Variants in ASXL3 observed in about 807,000 individuals in gnomAD.
ASXL3 encodes the protein ASXL transcriptional regulator 3.
ASXL3 carries 34 observed loss-of-function variants against 170.6 expected under a neutral mutation model. That is an observed-to-expected ratio of 0.20 (90% confidence interval 0.15 to 0.27). ASXL3 has a LOEUF of 0.27. Ranked by LOEUF, ASXL3 falls within the 10% of genes least tolerant of loss-of-function variation. The probability of loss-of-function intolerance (pLI) is 1.00; values close to 1 mark genes in which losing one functional copy is unlikely to be tolerated. For synonymous variants in ASXL3, 1,002 were observed against 989.1 expected, an observed-to-expected ratio of 1.01 and a Z score of -0.24; for missense variants, 2,592 against 2,695.3, an observed-to-expected ratio of 0.96 and a Z score of 0.85.
chr18:33,578,494 G>GCCGCCA lies in ASXL3; in HGVS notation c.-132_-127dup, dbSNP rs1249097476. The GCCGCCA allele has an allele frequency of 9.2e-5, 27 of 293,544 alleles. No individual in the cohort carries two copies. Among genetic ancestry groups the GCCGCCA allele is most frequent in the South Asian group, 3.9e-4 (3 of 7,742 alleles). 18.2% of individuals were successfully genotyped at this position (293,544 alleles called of 1,614,324 possible). A position where few individuals can be genotyped will look rare whatever the true frequency, so the allele number is the denominator to read the frequency against. Reference sequence around the variant, plus strand: ...CGCCGCCGCCGCCGCCGCCGCCGCCGCCGCCACCGCCCGCGCGCCTCCCCC... The same window carrying GCCGCCA: ...CGCCGCCGCCGCCGCCGCCGCCGCCGCCGCCACCGCCACCGCCCGCGCGCCTCCCCC... On this transcript the variant is annotated 5_prime_UTR_variant, in exon 1 of 12. Coordinates refer to ENST00000269197, the MANE Select transcript of ASXL3 (RefSeq NM_030632.3).
At position 33,671,727 on chromosome 18, in the gene ASXL3, A is replaced by G. The variant is rs1254602730; in HGVS notation, c.596-20A>G. ...GACAGCTAGAGAAGATAATGACATA[A>G]TAACTATTTCCTTTTTTAGGATCTG... On this transcript the variant is annotated intron_variant, in intron 6 of 11. Coordinates refer to ENST00000269197, the MANE Select transcript of ASXL3 (RefSeq NM_030632.3). 6.3e-7 allele frequency: 1 copy of G among 1,581,430 alleles called. No individual in the cohort carries two copies. Among genetic ancestry groups the G allele is most frequent in the Non-Finnish European group, 8.6e-7 (1 of 1,162,258 alleles).
intron 5 of ASXL3, among the ~76,000 whole-genome samples, chr18:33,665,057 TC>T: frequency 6.6e-6 from 1 of 152,194 alleles, no homozygotes; most frequent in East Asian, 1.9e-4. Flanking sequence ...TTAGTTATGA[TC>T]CTAAAAAGTG....
At position 33,745,698 on chromosome 18, in the gene ASXL3, C is replaced by T; in HGVS notation, c.5850C>T (p.Ala1950=). The T allele has an allele frequency of 6.2e-7, 1 of 1,613,986 alleles. No homozygotes were observed. The highest frequency in any genetic ancestry group is 8.5e-7 in the Non-Finnish European group (1 of 1,179,890). ...TTCCTACTGCAGCTCTGTTACAGGCCTCTTCCAAGACCCCAGTGGGGTGTA... is the reference window on the plus strand; with the variant it reads ...TTCCTACTGCAGCTCTGTTACAGGCTTCTTCCAAGACCCCAGTGGGGTGTA... ...GPIPTAALLQ[A]SSKTPVGCNA... The change falls in exon 12 of 12, where the codon GCC becomes GCT. Residue 1950 remains alanine, a synonymous_variant. Transcript: ENST00000269197.
intron 1 of ASXL3, chr18:33,605,695 A>G (rs988570817): frequency 2.6e-5 from 4 of 152,112 alleles, no homozygotes; most frequent in East Asian, 1.9e-4. Flanking sequence ...CCAAATTTCC[A>G]TTTAAACATT....
chr18:33,723,774 AG>A, intron 8 of ASXL3, among the ~76,000 whole-genome samples: 1 of 152,140 alleles, frequency 6.6e-6, no homozygotes, highest in African/African-American at 2.4e-5. Flanking sequence ...TTTTTGGGAA[AG>A]GAAGAGTCAA....
intron 7 of ASXL3, among the ~76,000 whole-genome samples, chr18:33,672,142 G>T (rs2066353036): frequency 6.6e-6 from 1 of 152,068 alleles, no homozygotes; most frequent in Non-Finnish European, 1.5e-5. Context: ...TTATCTGCCG[G>T]GTCATGATAC....
intron 2 of ASXL3, among the ~76,000 whole-genome samples, chr18:33,612,184 C>CATATAT (rs112285121): frequency 0.079 from 11,828 of 149,918 alleles, 539 homozygotes; most frequent in African/African-American, 0.12. Flanking sequence ...TAAAATTAAA[C>CATATAT]ATATATATAT....
intron 2 of ASXL3, among the ~76,000 whole-genome samples, chr18:33,622,731 A>G (rs2065534269): frequency 6.6e-6 from 1 of 152,160 alleles, no homozygotes; most frequent in African/African-American, 2.4e-5. Flanking sequence ...AGGGGCATGC[A>G]TAGTCCCTTT....
rs765513131 is a variant in ASXL3 at position 33,739,439 on chromosome 18, G to C, written c.2035G>C (p.Glu679Gln). 6 of 1,613,938 alleles carry C rather than the reference G, an allele frequency of 3.7e-6. No individual in the cohort carries two copies. The East Asian group carries it at 8.9e-5, about 24-fold the overall frequency. ...DENFHASLMS[E>Q]ISPISTSPEI... ...AAACTTTCATGCATCTTTGATGTCA[G>C]AAATATCTCCAATATCCACTTCACC... is the stretch of plus-strand genomic sequence containing the variant. Residue 679 changes from glutamate (E) to glutamine (Q), a missense_variant, in exon 11 of 12, where the codon GAA becomes CAA. Glu to Gln is a conservative substitution (Grantham distance 29, BLOSUM62 2). Around this residue, in one of 4 missense-constraint regions of ASXL3, gnomAD observed 2,246 missense variants for 2,219.6 expected, o/e 1.01. Coordinates refer to ENST00000269197, the MANE Select transcript of ASXL3 (RefSeq NM_030632.3).
intron 9 of ASXL3, among the ~76,000 whole-genome samples, chr18:33,732,651 T>C (rs1432548206): frequency 6.6e-6 from 1 of 151,778 alleles, no homozygotes; most frequent in Non-Finnish European, 1.5e-5. Flanking sequence ...AGCTCAGGAG[T>C]GAAGACCAGC....
intron 8 of ASXL3, among the ~76,000 whole-genome samples, chr18:33,699,728 C>T (rs985206517): frequency 1.4e-4 from 22 of 151,980 alleles, no homozygotes; most frequent in African/African-American, 4.1e-4. Context: ...ATTAGATCTT[C>T]GAATTTCTTG....
Position 33,713,229 on chromosome 18 carries a change from GTTT to G in ASXL3, c.880-18733_880-18731del, listed in dbSNP as rs1478922106. On this transcript the variant is annotated intron_variant, in intron 8 of 11. Coordinates refer to ENST00000269197, the MANE Select transcript of ASXL3 (RefSeq NM_030632.3). ...GCAGTTAGCAATCTACCACAAGAAG[GTTT>G]TTTTTGTTTTGTTTTGTTTTTTTTT... 3.7e-5 allele frequency among the ~76,000 whole-genome samples: 3 copies of G among 81,760 alleles called. 1 individual carries two copies. Among genetic ancestry groups the G allele is most frequent in the Admixed American group, 1.6e-4 (1 of 6,406 alleles). 53.6% of individuals were successfully genotyped at this position (81,760 alleles called of 152,430 possible). A position where few individuals can be genotyped will look rare whatever the true frequency, so the allele number is the denominator to read the frequency against.
chr18:33,635,852 C>A (rs1196378008), intron 2 of ASXL3, among the ~76,000 whole-genome samples: 1 of 152,188 alleles, frequency 6.6e-6, no homozygotes, highest in African/African-American at 2.4e-5. Flanking sequence ...GTCTACACAT[C>A]CATGATCGTA....
intron 8 of ASXL3, among the ~76,000 whole-genome samples, chr18:33,684,464 A>G (rs1186631475): frequency 6.6e-6 from 1 of 152,102 alleles, no homozygotes; most frequent in African/African-American, 2.4e-5. Context: ...TGACTTACCC[A>G]TCTTCTTTCA....
At chr18:33,634,974 A>G (rs529764591) in intron 2 of ASXL3, among the ~76,000 whole-genome samples, 43 of 152,126 alleles carry the variant, frequency 2.8e-4, no homozygotes, top group Non-Finnish European at 4.4e-4. Context: ...AAGTGCAGAG[A>G]ACATCATTGT....
At chr18:33,740,955 A>C (rs2145418871) in intron 11 of ASXL3, among the ~76,000 whole-genome samples, 1 of 152,330 alleles carries the variant, frequency 6.6e-6, no homozygotes, top group East Asian at 1.9e-4. Flanking sequence ...AATTATAAAC[A>C]TCTCAAGCTT....
intron 1 of ASXL3, among the ~76,000 whole-genome samples, chr18:33,588,648 C>T (rs1383821448): frequency 6.6e-6 from 1 of 152,088 alleles, no homozygotes; most frequent in Non-Finnish European, 1.5e-5. Flanking sequence ...TTAAAATACA[C>T]ATTCAGGAGA....
At chr18:33,742,765 G>A (rs2067685953) in intron 11 of ASXL3, 123 bp from the exon 12 acceptor site, 2 of 1,347,414 alleles carry the variant, frequency 1.5e-6, no homozygotes, top group Non-Finnish European at 2.0e-6. Flanking sequence ...GGATTTAGGT[G>A]TAGTTCATGG....
Position 33,744,503 on chromosome 18 carries a change from T to C in ASXL3, c.4655T>C (p.Leu1552Ser), listed in dbSNP as rs768945424. 3 of 1,612,618 alleles carry C rather than the reference T, an allele frequency of 1.9e-6. No homozygotes were observed. Among genetic ancestry groups the C allele is most frequent in the Non-Finnish European group, 2.5e-6 (3 of 1,179,716 alleles). ...ASAAKQDSKT[L>S]PATCTSLREL... is the part of the protein sequence containing the mutation. ...GCAGCAAAACAAGACAGTAAAACAT[T>C]GCCGGCCACCTGCACAAGTCTCCGA... Residue 1552 changes from leucine (L) to serine (S), a missense_variant, in exon 12 of 12, where the codon TTG becomes TCG. Leu to Ser is a moderately radical substitution (Grantham distance 145). Around this residue, in one of 4 missense-constraint regions of ASXL3, gnomAD observed 2,246 missense variants for 2,219.6 expected, o/e 1.01. Transcript: ENST00000269197.
Sources: allele counts gnomAD v4.1 joint callset (sites outside exome capture counted in the v4.1 genomes callset), GRCh38; gene constraint gnomAD v4.1.1; regional missense constraint gnomAD v4.1.1; transcripts MANE v1.5; gene names NCBI Gene and HGNC (gene_info 2026-07-23, HGNC 2026-07-21).